Variants in SHROOM3 observed in about 807,000 individuals in gnomAD.
The protein encoded by SHROOM3 is shroom family member 3.
A neutral mutation model predicts 138.6 loss-of-function variants in SHROOM3; 47 were observed. The observed-to-expected ratio is 0.34, with a 90% CI of 0.27 to 0.43. The LOEUF (loss-of-function observed/expected upper bound fraction) is 0.43, where lower values mean the gene tolerates loss of function less well. Among genes scored for constraint, SHROOM3 ranks in the 20% least tolerant of loss-of-function variants. The pLI, the probability that SHROOM3 is intolerant of heterozygous loss-of-function variation, is 1.00. For missense variants in SHROOM3, 2,491 were observed against 2,596.5 expected, an observed-to-expected ratio of 0.96 and a Z score of 0.88; for synonymous variants, 1,062 against 1,063.3, an observed-to-expected ratio of 1.00 and a Z score of 0.02.
chr4:76,650,521 ATT>A (rs1735931748), intron 2 of SHROOM3, among the ~76,000 whole-genome samples: 1 of 24,320 alleles, frequency 4.1e-5, no homozygotes, highest in African/African-American at 5.1e-4. Flanking sequence ...TTTTAAGTAT[ATT>A]TATTTATTTA....
intron 1 of SHROOM3, among the ~76,000 whole-genome samples, chr4:76,544,355 G>A (rs1226118787): frequency 7.2e-6 from 1 of 138,838 alleles, no homozygotes; most frequent in Non-Finnish European, 1.6e-5. Flanking sequence ...AATTAACCAT[G>A]TTGACTTTTT....
chr4:76,673,678 T>G (rs1225717454), intron 2 of SHROOM3, among the ~76,000 whole-genome samples: 3 of 152,192 alleles, frequency 2.0e-5, no homozygotes, highest in African/African-American at 7.2e-5. Flanking sequence ...TAAAAAAAAT[T>G]TTAATTGTGA....
chr4:76,439,546 T>C (rs1446858770), intron 1 of SHROOM3, among the ~76,000 whole-genome samples: 1 of 152,096 alleles, frequency 6.6e-6, no homozygotes, highest in Non-Finnish European at 1.5e-5. Flanking sequence ...ATGTGGTGGC[T>C]GATCATGCGT....
chr4:76,652,633 T>C (rs1735984048), intron 2 of SHROOM3, among the ~76,000 whole-genome samples: 1 of 152,112 alleles, frequency 6.6e-6, no homozygotes. Flanking sequence ...TGCAACAGCA[T>C]AAAAGTTTTA....
chr4:76,774,708 GGTTTTTTTTTT>G (rs1722488148), intron 10 of SHROOM3, among the ~76,000 whole-genome samples: 1 of 133,450 alleles, frequency 7.5e-6, no homozygotes, highest in Non-Finnish European at 1.6e-5. Flanking sequence ...GGTTTTTTGG[GGTTTTTTTTTT>G]GTTTTTTTTT....
intron 3 of SHROOM3, among the ~76,000 whole-genome samples, chr4:76,722,801 T>G (rs1475875710): frequency 3.9e-5 from 6 of 152,276 alleles, no homozygotes; most frequent in African/African-American, 9.6e-5. Flanking sequence ...GTTTCTTTTT[T>G]GGGGGATATG....
intron 2 of SHROOM3, chr4:76,688,961 C>CTT (rs71212442): frequency 0.047 from 38,698 of 827,964 alleles, 544 homozygotes; most frequent in East Asian, 0.11. Context: ...GTAATGCGAG[C>CTT]TTTTTTTTTT....
intron 1 of SHROOM3, among the ~76,000 whole-genome samples, chr4:76,507,270 T>C (rs1045613951): frequency 2.0e-5 from 3 of 152,182 alleles, no homozygotes; most frequent in African/African-American, 7.2e-5. Flanking sequence ...TGATTCCAGA[T>C]AGACTCATAT....
At chr4:76,719,348 G>A (rs957865252) in intron 3 of SHROOM3, among the ~76,000 whole-genome samples, 1 of 152,202 alleles carries the variant, frequency 6.6e-6, no homozygotes, top group African/African-American at 2.4e-5. Context: ...GGAGAAATTG[G>A]TAGAAACCAT....
At chr4:76,474,798 A>T (rs1731449453) in intron 1 of SHROOM3, among the ~76,000 whole-genome samples, 1 of 151,978 alleles carries the variant, frequency 6.6e-6, no homozygotes, top group Admixed American at 6.6e-5. Flanking sequence ...GTGGTGATAC[A>T]TGCCTGTAAT....
At chr4:76,770,035 G>A (rs1359720306) in intron 9 of SHROOM3, among the ~76,000 whole-genome samples, 1 of 152,042 alleles carries the variant, frequency 6.6e-6, no homozygotes, top group Non-Finnish European at 1.5e-5. Flanking sequence ...TTAAAAATGA[G>A]TAATTGGCCA....
intron 2 of SHROOM3, among the ~76,000 whole-genome samples, chr4:76,665,163 A>G (rs553522556): frequency 8.5e-5 from 13 of 152,288 alleles, no homozygotes; most frequent in African/African-American, 3.1e-4. Context: ...TTGTGTACAC[A>G]GTAGTACTAG....
Position 76,740,514 on chromosome 4 carries a change from G to A in SHROOM3, c.2341G>A (p.Val781Met). ...TCAGTACGGGAAGCCCCACTGCTCG[G>A]TGCTGGAGAAGGTCTCCAAATTCGA... is the stretch of plus-strand genomic sequence containing the variant. ...GFQYGKPHCS[V>M]LEKVSKFEQR... The change falls in exon 5 of 11, where the codon GTG (valine) becomes ATG (methionine). Residue 781 changes from valine (V) to methionine (M), a missense_variant. Val to Met is a conservative substitution (Grantham distance 21, BLOSUM62 1). Coordinates refer to ENST00000296043, the MANE Select transcript of SHROOM3 (RefSeq NM_020859.4). This position sits in a 1 kb window ranked among gnomAD's most constrained non-coding sequence, Gnocchi z 4.0. The A allele has an allele frequency of 6.2e-7, 1 of 1,613,986 alleles. No individual in the cohort carries two copies. The highest frequency in any genetic ancestry group is 8.5e-7 in the Non-Finnish European group (1 of 1,179,956).
Position 76,739,615 on chromosome 4 carries a change from C to T in SHROOM3, c.1442C>T (p.Pro481Leu). Residue 481 changes from proline (P) to leucine (L), a missense_variant, in exon 5 of 11, where the codon CCT becomes CTT. By Grantham distance (98) the Pro-to-Leu change is moderately conservative. Around this residue, in one of 4 missense-constraint regions of SHROOM3, gnomAD observed 1,733 missense variants for 1,661.6 expected, o/e 1.04. Transcript: ENST00000296043. ...CTGGAGCCACACTTTGCCCAGGTGC[C>T]TCAGCCTTCTGTGAGTAGCAACGGT... ...PSLEPHFAQV[P>L]QPSVSSNGML... 1.2e-6 allele frequency: 2 copies of T among 1,614,204 alleles called. No homozygotes were observed. Among genetic ancestry groups the T allele is most frequent in the Non-Finnish European group, 1.7e-6 (2 of 1,180,030 alleles).
intron 1 of SHROOM3, among the ~76,000 whole-genome samples, chr4:76,469,033 C>CAA (rs1366803954): frequency 7.1e-6 from 1 of 140,292 alleles, no homozygotes; most frequent in African/African-American, 2.6e-5. Context: ...GATTCCATCT[C>CAA]CAAAAAAAAA....
intron 2 of SHROOM3, among the ~76,000 whole-genome samples, chr4:76,563,021 G>C (rs1733630465): frequency 6.6e-6 from 1 of 152,182 alleles, no homozygotes; most frequent in African/African-American, 2.4e-5. Flanking sequence ...TCCAGTCTCA[G>C]TTCTGCTGTG....
At chr4:76,690,940 A>C (rs1025049262) in intron 2 of SHROOM3, among the ~76,000 whole-genome samples, 1 of 152,226 alleles carries the variant, frequency 6.6e-6, no homozygotes, top group African/African-American at 2.4e-5. Flanking sequence ...AAATGTTATA[A>C]CCAACAATAA....
At chr4:76,557,669 T>G (rs1733514750) in intron 2 of SHROOM3, among the ~76,000 whole-genome samples, 1 of 152,186 alleles carries the variant, frequency 6.6e-6, no homozygotes, top group African/African-American at 2.4e-5. Context: ...TTTTTGATTG[T>G]GGTAATCATG....
In SHROOM3 at chr4:76,529,619, C is replaced by A. The variant is rs183276509; in HGVS notation, c.169-25990C>A. Among the ~76,000 whole-genome samples, 27 of 152,282 alleles carry A rather than the reference C, an allele frequency of 1.8e-4. No homozygotes were observed. In the East Asian group the frequency reaches 5.0e-3, roughly 28 times the overall value. On this transcript the variant is annotated intron_variant, in intron 1 of 10. Coordinates refer to ENST00000296043, the MANE Select transcript of SHROOM3 (RefSeq NM_020859.4). ...GGGTTACAGGCATGAGCCACCGAGC[C>A]CAGCCTGTAGGATTTTTGATGGAGA...
Sources: allele counts gnomAD v4.1 joint callset (sites outside exome capture counted in the v4.1 genomes callset), GRCh38; gene constraint gnomAD v4.1.1; regional missense constraint gnomAD v4.1.1; non-coding constraint Gnocchi (gnomAD v3.1); transcripts MANE v1.5; gene names NCBI Gene and HGNC (gene_info 2026-07-23, HGNC 2026-07-21).